The following ADGRD1 variants were observed in gnomAD, a reference collection of about 807,000 sequenced individuals.
ADGRD1 encodes the protein G-protein coupled receptor 133.
Under a neutral mutation model 113.4 loss-of-function variants are expected in ADGRD1, and 77 were observed. That is an observed-to-expected ratio of 0.68 (90% CI 0.57 to 0.82). ADGRD1 has a LOEUF of 0.82. Among genes scored for constraint, ADGRD1 ranks in the 40% least tolerant of loss-of-function variants. ADGRD1 has a pLI of 0.00. For synonymous variants in ADGRD1, 474 were observed against 475.0 expected (o/e 1.00, Z 0.03); for missense variants, 1,036 against 1,139.1 (o/e 0.91, Z 1.30).
chr12:131,036,872 T>C (rs1267478467), intron 13 of ADGRD1, among the ~76,000 whole-genome samples: 445 of 103,684 alleles, frequency 4.3e-3, no homozygotes, highest in Middle Eastern at 0.037. Context: ...TACACCAGGT[T>C]TCACTCACTG....
rs903687429 is a variant in ADGRD1 at position 130,969,192 on chromosome 12, T to C, written c.188-2266T>C. 4 of 659,276 alleles carry C rather than the reference T, an allele frequency of 6.1e-6. No homozygotes were observed. In the African/African-American group the frequency reaches 7.2e-5, roughly 12 times the overall value. The allele number at this position is 659,276 out of a possible 1,614,324, so 40.8% of individuals were successfully genotyped here. A position where few individuals can be genotyped will look rare whatever the true frequency, so the allele number is the denominator to read the frequency against. ...ATGTCTTGGCTAGCAAGTGAGCAAA[T>C]GTCCCAGTCAAGACAGCAGATCCAA... On this transcript the variant is annotated intron_variant, in intron 3 of 24. Transcript: ENST00000261654.
intron 15 of ADGRD1, among the ~76,000 whole-genome samples, chr12:131,098,947 G>A (rs1255953984): frequency 6.6e-6 from 1 of 152,230 alleles, no homozygotes; most frequent in Non-Finnish European, 1.5e-5. Context: ...ATTTACTGCG[G>A]CTGCCTCAGT....
intron 13 of ADGRD1, among the ~76,000 whole-genome samples, chr12:131,016,710 T>C (rs1229428183): frequency 2.0e-5 from 3 of 152,116 alleles, no homozygotes; most frequent in Non-Finnish European, 4.4e-5. Flanking sequence ...GTGACCAACA[T>C]GGTGAATTCC....
chr12:131,127,026 GCTC>G (rs149312380), intron 20 of ADGRD1, among the ~76,000 whole-genome samples: 12,924 of 151,974 alleles, frequency 0.085, 539 homozygotes, highest in Middle Eastern at 0.13. Flanking sequence ...ATGGTGAGCC[GCTC>G]CTCCTCTTAG....
At chr12:131,122,678 C>T (rs1316665227) in intron 20 of ADGRD1, among the ~76,000 whole-genome samples, 2 of 152,190 alleles carry the variant, frequency 1.3e-5, no homozygotes, top group Non-Finnish European at 2.9e-5. Flanking sequence ...TCTGCTGTTC[C>T]TTGTTCTCCC....
chr12:131,048,714 C>T (rs1883086627), intron 13 of ADGRD1, among the ~76,000 whole-genome samples: 1 of 152,230 alleles, frequency 6.6e-6, no homozygotes, highest in Non-Finnish European at 1.5e-5. Flanking sequence ...AACCAGTCTT[C>T]ATTTGTGGGC....
chr12:131,099,653 A>G (rs562382078), intron 15 of ADGRD1, among the ~76,000 whole-genome samples: 21 of 152,128 alleles, frequency 1.4e-4, no homozygotes, highest in Admixed American at 7.9e-4. Context: ...AGCCATGGAG[A>G]CTCCAGTTTA....
At chr12:131,065,596 G>A (rs1353146330) in intron 13 of ADGRD1, among the ~76,000 whole-genome samples, 25 of 152,182 alleles carry the variant, frequency 1.6e-4, no homozygotes, top group African/African-American at 6.0e-4. Context: ...GATCTCAGGC[G>A]AGAGGCACCC....
intron 20 of ADGRD1, among the ~76,000 whole-genome samples, chr12:131,121,785 C>G (rs1167484606): frequency 2.0e-5 from 3 of 152,104 alleles, no homozygotes; most frequent in African/African-American, 7.2e-5. Context: ...GCATGAGGCT[C>G]GTCCCTCATC....
chr12:131,128,239 C>T (rs951588861), intron 20 of ADGRD1, among the ~76,000 whole-genome samples: 78 of 115,122 alleles, frequency 6.8e-4, no homozygotes, highest in South Asian at 1.8e-3. Flanking sequence ...GTGATGGGAC[C>T]CTGAGCTCAG....
intron 2 of ADGRD1, among the ~76,000 whole-genome samples, chr12:130,959,178 A>C (rs1193439212): frequency 6.6e-6 from 1 of 152,348 alleles, no homozygotes; most frequent in East Asian, 1.9e-4. Flanking sequence ...CGGCCACACC[A>C]AACTGTAGTA....
chr12:131,002,921 C>T (rs1335890319), intron 9 of ADGRD1: 10 of 815,076 alleles, frequency 1.2e-5, no homozygotes, highest in Non-Finnish European at 1.8e-5. Context: ...CCCCTCAGTC[C>T]CCGTGTCTAA....
At chr12:131,097,380 TCTC>T (rs145953988) in intron 15 of ADGRD1, among the ~76,000 whole-genome samples, 6,168 of 152,232 alleles carry the variant, frequency 0.041, 404 homozygotes, top group African/African-American at 0.14. Context: ...TCGGGGAAGA[TCTC>T]CTGCCTGTGG....
intron 18 of ADGRD1, among the ~76,000 whole-genome samples, chr12:131,112,821 G>T (rs1278522787): frequency 6.6e-6 from 1 of 152,250 alleles, no homozygotes; most frequent in Admixed American, 6.5e-5. Flanking sequence ...GTCTCTCCCA[G>T]TGTAGAACCT....
At chr12:131,046,020 C>T (rs568745853) in intron 13 of ADGRD1, among the ~76,000 whole-genome samples, 1 of 150,824 alleles carries the variant, frequency 6.6e-6, no homozygotes, top group South Asian at 2.1e-4. Context: ...GGTGAGTGTC[C>T]TCCCTGGTCA....
intron 18 of ADGRD1, among the ~76,000 whole-genome samples, chr12:131,109,794 T>C (rs1046613482): frequency 6.6e-6 from 1 of 152,230 alleles, no homozygotes; most frequent in Non-Finnish European, 1.5e-5. Flanking sequence ...GCTGATCCTT[T>C]TTCTAGTTGT....
intron 20 of ADGRD1, among the ~76,000 whole-genome samples, chr12:131,129,079 G>A: frequency 7.8e-6 from 1 of 127,894 alleles, no homozygotes; most frequent in African/African-American, 3.0e-5. Context: ...GGGTGTGAGT[G>A]ACAGCCCCGC....
intron 2 of ADGRD1, among the ~76,000 whole-genome samples, chr12:130,960,862 G>A (rs1296528966): frequency 1.3e-5 from 2 of 152,048 alleles, no homozygotes; most frequent in African/African-American, 4.8e-5. Flanking sequence ...TGGTGGTGGC[G>A]ACGAAGGGGT....
Position 131,075,080 on chromosome 12 carries a change from CT to C in ADGRD1, c.1474-1719del, listed in dbSNP as rs1451071263. ...AGGCGTCGCCTCACTCCTGAGAAGC[CT>C]TGCCACGTGTTGATGTGTATGGGTC... On this transcript the variant is annotated intron_variant, in intron 13 of 24. Coordinates refer to ENST00000261654, the MANE Select transcript of ADGRD1 (RefSeq NM_198827.5). This position sits in a 1 kb window ranked among gnomAD's most constrained non-coding sequence, Gnocchi z 5.3. Among the ~76,000 whole-genome samples, 1 of 152,204 alleles carries C rather than the reference CT, an allele frequency of 6.6e-6. No homozygotes were observed. The highest frequency in any genetic ancestry group is 1.5e-5 in the Non-Finnish European group (1 of 68,040).
Sources: allele counts gnomAD v4.1 joint callset (sites outside exome capture counted in the v4.1 genomes callset), GRCh38; gene constraint gnomAD v4.1.1; non-coding constraint Gnocchi (gnomAD v3.1); transcripts MANE v1.5; gene names NCBI Gene and HGNC (gene_info 2026-07-23, HGNC 2026-07-21).